GATAD2A: variants seen among roughly 807,000 people sequenced by gnomAD.
The protein encoded by GATAD2A is transcriptional repressor p66-alpha.
GATAD2A carries 12 observed loss-of-function variants against 68.5 expected under a neutral mutation model. The observed-to-expected ratio is 0.18, with a 90% confidence interval of 0.11 to 0.28. The LOEUF (loss-of-function observed/expected upper bound fraction) is 0.28. Among genes scored for constraint, GATAD2A ranks in the 10% least tolerant of loss-of-function variants. The pLI is 1.00. For missense variants in GATAD2A, 755 were observed against 868.5 expected, an observed-to-expected ratio of 0.87 and a Z score of 1.64; for synonymous variants, 410 against 375.3, an observed-to-expected ratio of 1.09 and a Z score of -1.07.
intron 1 of GATAD2A, among the ~76,000 whole-genome samples, chr19:19,391,170 T>C (rs908068978): frequency 6.6e-6 from 1 of 152,196 alleles, no homozygotes; most frequent in African/African-American, 2.4e-5. Flanking sequence ...CACTTACTAG[T>C]ATGGGAATAG....
At position 19,439,069 on chromosome 19, in the gene GATAD2A, A is replaced by G. The variant is rs147590031; in HGVS notation, c.-6-26271A>G. Among the ~76,000 whole-genome samples the G allele has an allele frequency of 5.3e-3, 803 of 152,334 alleles. 6 individuals are homozygous for G. Among genetic ancestry groups the G allele is most frequent in the South Asian group, 0.041 (197 of 4,830 alleles). On this transcript the variant is annotated intron_variant, in intron 1 of 11. Transcript: ENST00000683918. Reference sequence around the variant, plus strand: ...CATTCCTGTCACCCAGGACCACATGAGCACAGTGGAGGGAGCAGGGCCGGA... The same window carrying G: ...CATTCCTGTCACCCAGGACCACATGGGCACAGTGGAGGGAGCAGGGCCGGA...
chr19:19,390,814 C>T (rs2048793960), intron 1 of GATAD2A, among the ~76,000 whole-genome samples: 1 of 152,110 alleles, frequency 6.6e-6, no homozygotes, highest in South Asian at 2.1e-4. Context: ...CACTTTAGAA[C>T]CTTGAAAGAA....
rs1334143324 is a variant in GATAD2A, at chr19:19,502,677, C to T, written c.1774+151C>T. 5 of 627,222 alleles carry T rather than the reference C, an allele frequency of 8.0e-6. 1 individual carries two copies. Among genetic ancestry groups the T allele is most frequent in the Middle Eastern group, 7.9e-4 (2 of 2,544 alleles). 38.9% of individuals were successfully genotyped at this position (627,222 alleles called of 1,614,324 possible). ...CGGACTCTGGCTTTCCCTCTTGCCC[C>T]TAACCAGGATACCCTGAAGAAGTGA... On this transcript the variant is annotated intron_variant, in intron 11 of 11. Transcript: ENST00000683918.
At chr19:19,465,864 C>G (rs536219180) in intron 2 of GATAD2A, among the ~76,000 whole-genome samples, 42 of 152,336 alleles carry the variant, frequency 2.8e-4, no homozygotes, top group African/African-American at 9.1e-4. Context: ...ATTCCATCAG[C>G]TCCCCTGCCA....
At chr19:19,470,226 G>A (rs1447383996) in intron 2 of GATAD2A, among the ~76,000 whole-genome samples, 1 of 144,132 alleles carries the variant, frequency 6.9e-6, no homozygotes, top group South Asian at 2.2e-4. Flanking sequence ...TCTCCACCTC[G>A]TGGGTTTCAG....
chr19:19,442,466 A>T (rs2055208683), intron 1 of GATAD2A, among the ~76,000 whole-genome samples: 1 of 152,056 alleles, frequency 6.6e-6, no homozygotes, highest in African/African-American at 2.4e-5. Context: ...TCTCTACTGA[A>T]AATATAAAAA....
rs191677068 is a variant in GATAD2A, at chr19:19,388,781, G to A, written c.-7+2643G>A. 4.4e-4 allele frequency among the ~76,000 whole-genome samples: 66 copies of A among 151,718 alleles called. No homozygotes were observed. In the East Asian group the frequency reaches 0.011, roughly 26 times the overall value. ...TAGTATAACTTAACCTTCCCTCCCC[G>A]TGCTGAAAAAAAATCAAAATAAAAA... On this transcript the variant is annotated intron_variant, in intron 1 of 11. Coordinates refer to the GATAD2A transcript ENST00000360315.
At chr19:19,460,378 T>G (rs1012101339) in intron 1 of GATAD2A, among the ~76,000 whole-genome samples, 1 of 152,154 alleles carries the variant, frequency 6.6e-6, no homozygotes, top group Non-Finnish European at 1.5e-5. Context: ...GCCTACAGGG[T>G]CCTTGTGTCT....
At chr19:19,483,879 C>T (rs1334519895) in intron 2 of GATAD2A, among the ~76,000 whole-genome samples, 4 of 151,296 alleles carry the variant, frequency 2.6e-5, no homozygotes, top group Admixed American at 6.6e-5. Context: ...CCGCCCGCCT[C>T]GGCCTCCCAA....
At chr19:19,415,545 A>G (rs1568714025) in intron 1 of GATAD2A, among the ~76,000 whole-genome samples, 1 of 149,782 alleles carries the variant, frequency 6.7e-6, no homozygotes. Flanking sequence ...CGCTTCCCAG[A>G]TTCAAGCGAT....
chr19:19,478,370 G>A (rs974404002), intron 2 of GATAD2A, among the ~76,000 whole-genome samples: 3 of 152,186 alleles, frequency 2.0e-5, no homozygotes, highest in African/African-American at 7.2e-5. Flanking sequence ...GGAGGCCGAG[G>A]TGGGCAGATC....
chr19:19,419,417 C>T (rs1456416228), intron 1 of GATAD2A, among the ~76,000 whole-genome samples: 1 of 151,774 alleles, frequency 6.6e-6, no homozygotes, highest in African/African-American at 2.4e-5. Context: ...CAGCTGGGCT[C>T]AGTCCTGGGA....
intron 1 of GATAD2A, among the ~76,000 whole-genome samples, chr19:19,450,071 A>G (rs1347404193): frequency 6.6e-6 from 1 of 152,170 alleles, no homozygotes. Flanking sequence ...ATTAACAGGC[A>G]TGAGCCACTG....
intron 2 of GATAD2A, among the ~76,000 whole-genome samples, chr19:19,475,662 T>C (rs2058630970): frequency 6.6e-6 from 1 of 152,216 alleles, no homozygotes; most frequent in Admixed American, 6.5e-5. Context: ...TCTTAGCTCA[T>C]GGGAACTGAG....
At chr19:19,427,753 A>C (rs1568275386) in intron 1 of GATAD2A, 1 of 152,740 alleles carries the variant, frequency 6.5e-6, no homozygotes, top group African/African-American at 2.4e-5. Context: ...GGCTCACTGC[A>C]GCCTCCGCCT....
chr19:19,432,068 C>CG (rs1464565313), intron 1 of GATAD2A, among the ~76,000 whole-genome samples: 2 of 152,086 alleles, frequency 1.3e-5, no homozygotes, highest in Non-Finnish European at 2.9e-5. Flanking sequence ...CTCCATCTCC[C>CG]GGGTTCAAGT....
chr19:19,462,873 G>A (rs1272889900), intron 1 of GATAD2A, among the ~76,000 whole-genome samples: 1 of 152,148 alleles, frequency 6.6e-6, no homozygotes, highest in Non-Finnish European at 1.5e-5. Context: ...GGTTCAAATG[G>A]GCTTCATGGA....
intron 9 of GATAD2A, 69 bp from the exon 10 acceptor site, chr19:19,501,900 C>A (rs2060550378): frequency 8.1e-6 from 10 of 1,229,860 alleles, no homozygotes; most frequent in Non-Finnish European, 1.2e-5. Context: ...TCCTGTGGGG[C>A]TCACCCTCGG....
intron 1 of GATAD2A, among the ~76,000 whole-genome samples, chr19:19,445,430 C>G (rs1417820887): frequency 2.0e-5 from 3 of 152,172 alleles, no homozygotes; most frequent in Admixed American, 6.5e-5. Context: ...GTAGAATATT[C>G]ACCAGTTTTA....
Sources: gnomAD v4.1 joint callset for allele counts (sites outside exome capture counted in the v4.1 genomes callset) on GRCh38, gnomAD v4.1.1 for gene constraint, MANE v1.5 for transcripts, NCBI Gene and HGNC (gene_info 2026-07-23, HGNC 2026-07-21) for gene names.